Variants in IMPG2 observed in about 807,000 individuals in gnomAD.
IMPG2 encodes the protein interphotoreceptor matrix proteoglycan 2.
A neutral mutation model predicts 129.2 loss-of-function variants in IMPG2; 91 were observed. The ratio of observed to expected loss-of-function variants is 0.70; its 90% CI spans 0.59 to 0.84. The LOEUF is 0.84. Ranked by LOEUF, IMPG2 falls within the 40% of genes least tolerant of loss-of-function variation. The probability of loss-of-function intolerance (pLI) is 0.00; values close to 1 mark genes in which losing one functional copy is unlikely to be tolerated. For missense variants in IMPG2, 1,430 were observed against 1,461.7 expected, an observed-to-expected ratio of 0.98 and a Z score of 0.35; for synonymous variants, 510 against 517.7, an observed-to-expected ratio of 0.99 and a Z score of 0.20.
rs571643570 is a variant in IMPG2 at position 101,244,410 on chromosome 3, G to A, written c.1921C>T (p.Pro641Ser). 19 of 1,614,124 alleles carry A rather than the reference G, an allele frequency of 1.2e-5. No homozygotes were observed. Among genetic ancestry groups the A allele is most frequent in the East Asian group, 1.1e-4 (5 of 44,878 alleles). The change falls in exon 13 of 19, where the codon CCA becomes TCA. Residue 641 changes from proline to serine, a missense_variant. Coordinates refer to ENST00000193391, the MANE Select transcript of IMPG2 (RefSeq NM_016247.4). ...AGTTTCTTGTCTTCAATCTCAGCTG[G>A]CAAAAGTGAATCATCATCTTCAAGC... ...PWLEDDDSLL[P>S]AEIEDKKLVL...
At chr3:101,291,588 C>T (rs1707010012) in intron 3 of IMPG2, 78 bp from the exon 4 acceptor site, 2 of 949,794 alleles carry the variant, frequency 2.1e-6, no homozygotes, top group South Asian at 1.4e-5. Flanking sequence ...TTCATAGAGA[C>T]CACTACTGCC....
In IMPG2 at chr3:101,257,727, T is replaced by C. The variant is rs758166622; in HGVS notation, c.955A>G (p.Ser319Gly). The change falls in exon 10 of 19, where the codon AGC becomes GGC. Residue 319 changes from serine to glycine, a missense_variant. By Grantham distance (56) the Ser-to-Gly change is moderately conservative. Coordinates refer to ENST00000193391, the MANE Select transcript of IMPG2 (RefSeq NM_016247.4). ...CTAATGAGGTCCCAGGTGGTATTGC[T>C]GATGGCCTCACCATTGAAGGTAACT... ...YAVTFNGEAI[S>G]NTTWDLISLH... 6 of 1,613,100 alleles carry C rather than the reference T, an allele frequency of 3.7e-6. No homozygotes were observed. Among genetic ancestry groups the C allele is most frequent in the Non-Finnish European group, 5.1e-6 (6 of 1,179,390 alleles).
At chr3:101,259,535 T>C (rs59427230) in intron 9 of IMPG2, among the ~76,000 whole-genome samples, 3,215 of 150,932 alleles carry the variant, frequency 0.021, 111 homozygotes, top group African/African-American at 0.075. Context: ...CTCAGCTTGG[T>C]ACCTAGCACA....
At position 101,223,100 on chromosome 3, in the gene IMPG2, A is replaced by G. The variant is rs1440583387; in HGVS notation, c.*3869T>C. 1 of 152,234 alleles carries G rather than the reference A, an allele frequency of 6.6e-6. No homozygotes were observed. The highest frequency in any genetic ancestry group is 1.9e-4 in the East Asian group (1 of 5,202). 9.4% of individuals were successfully genotyped at this position (152,234 alleles called of 1,614,324 possible). A position where few individuals can be genotyped will look rare whatever the true frequency, so the allele number is the denominator to read the frequency against. On this transcript the variant is annotated 3_prime_UTR_variant, in exon 19 of 19. Transcript: ENST00000193391. ...AAATGCATGACTCAAGGAAATTTCC[A>G]GGCAATTCTTTACATCATGGTACCC...
At chr3:101,313,702 C>T (rs1490539076) in intron 2 of IMPG2, among the ~76,000 whole-genome samples, 1 of 151,866 alleles carries the variant, frequency 6.6e-6, no homozygotes, top group Non-Finnish European at 1.5e-5. Context: ...ATTTTCCTTT[C>T]AGAATTGTGG....
intron 3 of IMPG2, among the ~76,000 whole-genome samples, chr3:101,294,935 GT>G (rs1229010179): frequency 1.3e-5 from 2 of 151,600 alleles, no homozygotes; most frequent in Non-Finnish European, 2.9e-5. Flanking sequence ...TTTTGATGGG[GT>G]TTTTTTCTTG....
At chr3:101,282,947 C>T (rs1559652903) in intron 4 of IMPG2, among the ~76,000 whole-genome samples, 1 of 152,186 alleles carries the variant, frequency 6.6e-6, no homozygotes. Context: ...GGTTAAGTGA[C>T]ATATTTATTA....
At chr3:101,289,932 A>G (rs1437616671) in intron 4 of IMPG2, among the ~76,000 whole-genome samples, 1 of 150,530 alleles carries the variant, frequency 6.6e-6, no homozygotes, top group Non-Finnish European at 1.5e-5. Flanking sequence ...AAGAGAAAAG[A>G]ATATGGGCAA....
chr3:101,306,420 G>C (rs1045440917), intron 2 of IMPG2, among the ~76,000 whole-genome samples: 6 of 152,268 alleles, frequency 3.9e-5, no homozygotes, highest in African/African-American at 1.4e-4. Context: ...TGAACTACCT[G>C]TATCCTTATT....
chr3:101,226,754 C>A lies in IMPG2; in HGVS notation c.*215G>T. On this transcript the variant is annotated 3_prime_UTR_variant, in exon 19 of 19. Transcript: ENST00000193391. ...ACGTAGTTTTCAATTTATTTAAACA[C>A]AGCATTCAGTCTTTATAGAAATAAA... 1 of 550,100 alleles carries A rather than the reference C, an allele frequency of 1.8e-6. No homozygotes were observed. Among genetic ancestry groups the A allele is most frequent in the Non-Finnish European group, 3.2e-6 (1 of 310,408 alleles). 34.1% of individuals were successfully genotyped at this position (550,100 alleles called of 1,614,324 possible). A position where few individuals can be genotyped will look rare whatever the true frequency, so the allele number is the denominator to read the frequency against.
chr3:101,245,951 G>A lies in IMPG2; in HGVS notation c.1394C>T (p.Ala465Val). ...GCTGAGGCCCATCTTCGAGGGAAAG[G>A]CTAATTTGTGTGTAGACACTAAATC... ...LGDLVSTHKL[A>V]FPSKMGLSSS... Residue 465 changes from alanine (A) to valine (V), a missense_variant, in exon 12 of 19, where the codon GCC becomes GTC. By Grantham distance (64) the Ala-to-Val change is moderately conservative. Transcript: ENST00000193391. The A allele has an allele frequency of 3.1e-6, 5 of 1,614,134 alleles. No homozygotes were observed. Among genetic ancestry groups the A allele is most frequent in the Admixed American group, 1.7e-5 (1 of 60,012 alleles).
At chr3:101,260,657 T>C (rs1706659518) in intron 9 of IMPG2, among the ~76,000 whole-genome samples, 1 of 152,120 alleles carries the variant, frequency 6.6e-6, no homozygotes, top group Non-Finnish European at 1.5e-5. Flanking sequence ...CTCCCAACCC[T>C]TATATCTTCC....
intron 7 of IMPG2, among the ~76,000 whole-genome samples, chr3:101,272,962 T>C (rs1356012281): frequency 6.6e-6 from 1 of 152,184 alleles, no homozygotes; most frequent in African/African-American, 2.4e-5. Context: ...AGACGGGGAC[T>C]ATGGGTCATT....
intron 11 of IMPG2, 49 bp downstream of exon 11, chr3:101,253,647 A>G: frequency 4.7e-6 from 6 of 1,277,370 alleles, no homozygotes; most frequent in Non-Finnish European, 6.8e-6. Context: ...GCAGGAAGAA[A>G]GAAGAGAAGC....
chr3:101,269,907 C>CATTTT (rs1329700923), intron 7 of IMPG2, among the ~76,000 whole-genome samples: 8 of 147,298 alleles, frequency 5.4e-5, no homozygotes, highest in African/African-American at 2.0e-4. Context: ...GCTGTAATAG[C>CATTTT]ATTTTATTTT....
At position 101,243,883 on chromosome 3, in the gene IMPG2, G is replaced by T. The variant is rs1186279021; in HGVS notation, c.2448C>A (p.Thr816=). ...TGGAGATTGTGGTTGGAGGCAATTT[G>T]GTAGACTGTGTCACAGATAACCAGA... is the stretch of plus-strand genomic sequence containing the variant. ...DRLWLSVTQS[T]KLPPTTISTL... is the part of the protein sequence containing the mutation. Residue 816 remains threonine, a synonymous_variant, in exon 13 of 19, where the codon ACC becomes ACA. Transcript: ENST00000193391. The T allele has an allele frequency of 1.9e-6, 3 of 1,614,174 alleles. No homozygotes were observed. Among genetic ancestry groups the T allele is most frequent in the South Asian group, 1.1e-5 (1 of 91,082 alleles).
chr3:101,285,885 T>C (rs748600321), intron 4 of IMPG2, among the ~76,000 whole-genome samples: 1 of 152,206 alleles, frequency 6.6e-6, no homozygotes, highest in African/African-American at 2.4e-5. Context: ...ATGTAAATTA[T>C]AGAAACCATT....
Position 101,292,352 on chromosome 3 carries a change from AT to A in IMPG2, c.502-843del, listed in dbSNP as rs1197314800. 5.3e-5 allele frequency among the ~76,000 whole-genome samples: 8 copies of A among 152,344 alleles called. 1 individual carries two copies. The East Asian group carries it at 1.3e-3, about 26-fold the overall frequency. On this transcript the variant is annotated intron_variant, in intron 3 of 18. Coordinates refer to ENST00000193391, the MANE Select transcript of IMPG2 (RefSeq NM_016247.4). ...ACCAAATAAAAGCTCAATAAAGCAAATATCCCAATAAAGCAAGTCACATATT... is the reference window on the plus strand; with the variant it reads ...ACCAAATAAAAGCTCAATAAAGCAAAATCCCAATAAAGCAAGTCACATATT...
At chr3:101,292,798 AAT>A (rs1395175191) in intron 3 of IMPG2, among the ~76,000 whole-genome samples, 2 of 152,210 alleles carry the variant, frequency 1.3e-5, no homozygotes, top group African/African-American at 4.8e-5. Flanking sequence ...GAGTTTATCT[AAT>A]AGTCTAAATC....
Sources: gnomAD v4.1 joint callset for allele counts (sites outside exome capture counted in the v4.1 genomes callset) on GRCh38, gnomAD v4.1.1 for gene constraint, MANE v1.5 for transcripts, NCBI Gene and HGNC (gene_info 2026-07-23, HGNC 2026-07-21) for gene names.